CNTNAP2: variants seen among roughly 807,000 people sequenced by gnomAD.
CNTNAP2 encodes the protein contactin-associated protein-like 2.
A neutral mutation model predicts 155.2 loss-of-function variants in CNTNAP2; 98 were observed. That is an observed-to-expected ratio of 0.63 (90% CI 0.54 to 0.75). CNTNAP2 has a LOEUF of 0.75. Ranked by LOEUF, CNTNAP2 falls within the 30% of genes least tolerant of loss-of-function variation. The pLI is 0.00. For synonymous variants in CNTNAP2, 651 were observed against 631.2 expected, an observed-to-expected ratio of 1.03 and a Z score of -0.47; for missense variants, 1,727 against 1,688.1, an observed-to-expected ratio of 1.02 and a Z score of -0.40.
chr7:148,036,502 G>A (rs1802576262), intron 15 of CNTNAP2, among the ~76,000 whole-genome samples: 1 of 152,006 alleles, frequency 6.6e-6, no homozygotes, highest in Admixed American at 6.6e-5. Context: ...CTCTTGTGAT[G>A]CTTTCCATGT....
intron 5 of CNTNAP2, among the ~76,000 whole-genome samples, chr7:147,120,082 T>C (rs1241168579): frequency 3.9e-5 from 6 of 152,328 alleles, no homozygotes; most frequent in African/African-American, 1.4e-4. Context: ...TGTTATCATT[T>C]TAATTAAAAG....
intron 15 of CNTNAP2, among the ~76,000 whole-genome samples, chr7:147,986,831 G>A (rs1801625878): frequency 6.6e-6 from 1 of 151,504 alleles, no homozygotes; most frequent in Non-Finnish European, 1.5e-5. Context: ...AGGGTCAGTG[G>A]CAGAAAGTTG....
At chr7:146,867,199 G>A (rs1795221063) in intron 3 of CNTNAP2, among the ~76,000 whole-genome samples, 1 of 152,024 alleles carries the variant, frequency 6.6e-6, no homozygotes. Context: ...AGAACCCAGT[G>A]TCTGTTGTTT....
At chr7:146,716,961 T>C (rs1406603661) in intron 1 of CNTNAP2, among the ~76,000 whole-genome samples, 1 of 152,168 alleles carries the variant, frequency 6.6e-6, no homozygotes. Context: ...TCTAGAAAGA[T>C]ATTCAAGAAG....
rs185663112 is a variant in CNTNAP2 at position 147,544,336 on chromosome 7, A to T, written c.1778-17802A>T. Among the ~76,000 whole-genome samples, 941 of 152,252 alleles carry T rather than the reference A, an allele frequency of 6.2e-3. 8 individuals are homozygous for T. Among genetic ancestry groups the T allele is most frequent in the African/African-American group, 0.022 (903 of 41,544 alleles). Reference sequence around the variant, plus strand: ...AATGGCCCCAGACTTCCAAAAAAAAATTTCAGGCTCCTGGTAATGAGAGAA... The same window carrying T: ...AATGGCCCCAGACTTCCAAAAAAAATTTTCAGGCTCCTGGTAATGAGAGAA... On this transcript the variant is annotated intron_variant, in intron 11 of 23. Transcript: ENST00000361727.
intron 8 of CNTNAP2, among the ~76,000 whole-genome samples, chr7:147,245,615 C>T (rs1433988002): frequency 6.6e-6 from 1 of 151,782 alleles, no homozygotes; most frequent in Non-Finnish European, 1.5e-5. Context: ...GGGTGGAGCA[C>T]GAGGTCAGGA....
chr7:146,461,558 C>T (rs528904478), intron 1 of CNTNAP2, among the ~76,000 whole-genome samples: 1 of 152,130 alleles, frequency 6.6e-6, no homozygotes, highest in African/African-American at 2.4e-5. Context: ...ATGTGATTCT[C>T]ACAGAAAAAT....
At chr7:146,153,705 A>C (rs1798083804) in intron 1 of CNTNAP2, among the ~76,000 whole-genome samples, 1 of 152,180 alleles carries the variant, frequency 6.6e-6, no homozygotes, top group Admixed American at 6.6e-5. Flanking sequence ...GATCTTTATT[A>C]CTTTGGAGAC....
At chr7:146,515,155 T>C (rs1356634196) in intron 1 of CNTNAP2, among the ~76,000 whole-genome samples, 1 of 152,062 alleles carries the variant, frequency 6.6e-6, no homozygotes, top group Non-Finnish European at 1.5e-5. Context: ...TTTTTCACAC[T>C]ATGGTTGCAA....
chr7:146,645,452 G>A (rs1400276818), intron 1 of CNTNAP2, among the ~76,000 whole-genome samples: 1 of 152,152 alleles, frequency 6.6e-6, no homozygotes, highest in African/African-American at 2.4e-5. Flanking sequence ...CAGTGCCAGT[G>A]GAGAAGGGTT....
intron 1 of CNTNAP2, among the ~76,000 whole-genome samples, chr7:146,553,110 T>C (rs978227672): frequency 2.0e-5 from 3 of 152,156 alleles, no homozygotes; most frequent in Non-Finnish European, 2.9e-5. Flanking sequence ...GTCTCTTCTG[T>C]TCACTGTTAT....
At chr7:148,309,423 C>T (rs563322402) in intron 21 of CNTNAP2, among the ~76,000 whole-genome samples, 1 of 152,170 alleles carries the variant, frequency 6.6e-6, no homozygotes. Flanking sequence ...TTTTCACTCA[C>T]GTCTGTGTGA....
At chr7:147,546,196 C>T (rs973424539) in intron 11 of CNTNAP2, among the ~76,000 whole-genome samples, 4 of 152,090 alleles carry the variant, frequency 2.6e-5, no homozygotes, top group African/African-American at 4.8e-5. Flanking sequence ...TGGGAGGGCC[C>T]TGACAAGAGC....
intron 12 of CNTNAP2, among the ~76,000 whole-genome samples, chr7:147,574,814 AT>A (rs1176842717): frequency 2.0e-5 from 3 of 152,090 alleles, no homozygotes; most frequent in African/African-American, 7.2e-5. Context: ...CTTTTAGAAA[AT>A]AAACCTCCAG....
intron 12 of CNTNAP2, among the ~76,000 whole-genome samples, chr7:147,563,307 A>T (rs1362792313): frequency 6.6e-6 from 1 of 152,148 alleles, no homozygotes; most frequent in Non-Finnish European, 1.5e-5. Flanking sequence ...ATTGGATGAA[A>T]AAATTTAAAG....
At chr7:146,516,235 G>A (rs1797539267) in intron 1 of CNTNAP2, among the ~76,000 whole-genome samples, 1 of 151,888 alleles carries the variant, frequency 6.6e-6, no homozygotes, top group South Asian at 2.1e-4. Context: ...AGTAATGGGG[G>A]AAAAAAGCAC....
intron 18 of CNTNAP2, chr7:148,190,160 C>T (rs994649799): frequency 1.3e-5 from 2 of 152,326 alleles, no homozygotes; most frequent in Non-Finnish European, 2.9e-5. Flanking sequence ...GTTATAGAGC[C>T]AAGGTGACAC....
At chr7:148,111,955 G>A (rs1258560490) in intron 15 of CNTNAP2, among the ~76,000 whole-genome samples, 1 of 152,200 alleles carries the variant, frequency 6.6e-6, no homozygotes. Flanking sequence ...ACTTGGGGAT[G>A]TAATACCAAA....
intron 1 of CNTNAP2, among the ~76,000 whole-genome samples, chr7:146,274,501 C>A (rs1205248507): frequency 6.6e-6 from 1 of 152,128 alleles, no homozygotes; most frequent in African/African-American, 2.4e-5. Context: ...TACCCCGGGG[C>A]AGTTTTAAAT....
Sources: allele counts gnomAD v4.1 joint callset (sites outside exome capture counted in the v4.1 genomes callset), GRCh38; gene constraint gnomAD v4.1.1; transcripts MANE v1.5; gene names NCBI Gene and HGNC (gene_info 2026-07-23, HGNC 2026-07-21).